PRP4K: variants seen among roughly 807,000 people sequenced by gnomAD.
PRP4K encodes the protein serine/threonine-protein kinase PRP4 homolog.
chr6:4,023,774 C>T, the PRP4K span, among the ~76,000 whole-genome samples: 1 of 152,146 alleles, frequency 6.6e-6, no homozygotes, highest in African/African-American at 2.4e-5. Context: ...AGTACAGTAA[C>T]ATTATCATGG....
At chr6:4,052,144 T>C in the PRP4K span, 1 of 1,504,250 alleles carries the variant, frequency 6.6e-7, no homozygotes, top group Non-Finnish European at 8.9e-7. Context: ...CTTCTTCATC[T>C]TTACGATCTC....
chr6:4,032,415 G>A, the PRP4K span: 1 of 1,614,020 alleles, frequency 6.2e-7, no homozygotes, highest in South Asian at 1.1e-5. Context: ...TGATTTAAGA[G>A]GTAAATCCAA....
chr6:4,049,427 A>G, the PRP4K span: 62 of 458,032 alleles, frequency 1.4e-4, no homozygotes, highest in African/African-American at 1.1e-3. Flanking sequence ...AACGACAAAC[A>G]GGAAACTTTG....
At chr6:4,044,251 C>T in the PRP4K span, 3 of 454,628 alleles carry the variant, frequency 6.6e-6, no homozygotes, top group South Asian at 7.4e-5. Context: ...CTCACATATT[C>T]GTTACCTTTT....
the PRP4K span, among the ~76,000 whole-genome samples, chr6:4,023,863 G>A: frequency 1.5e-5 from 2 of 133,260 alleles, no homozygotes; most frequent in Non-Finnish European, 3.1e-5. Context: ...ATGACACCAT[G>A]CCCAGCTAAT....
At chr6:4,039,041 G>A in the PRP4K span, among the ~76,000 whole-genome samples, 26 of 151,806 alleles carry the variant, frequency 1.7e-4, no homozygotes, top group African/African-American at 5.6e-4. Flanking sequence ...AGACAATAGC[G>A]AGGTTATTGT....
At chr6:4,035,699 G>A in the PRP4K span, among the ~76,000 whole-genome samples, 2 of 152,134 alleles carry the variant, frequency 1.3e-5, no homozygotes, top group Non-Finnish European at 2.9e-5. Flanking sequence ...AAGTTGCAGT[G>A]GCTCACGCCT....
At chr6:4,063,879 A>T in the PRP4K span, 1 of 152,112 alleles carries the variant, frequency 6.6e-6, no homozygotes, top group Non-Finnish European at 1.5e-5. Context: ...TTTTGCTTTT[A>T]TTATACTTTA....
the PRP4K span, among the ~76,000 whole-genome samples, chr6:4,030,901 G>A: frequency 1.3e-5 from 2 of 152,194 alleles, no homozygotes; most frequent in Non-Finnish European, 2.9e-5. Context: ...TTGTGAGGAT[G>A]TGTTTATACT....
At chr6:4,023,323 A>C in the PRP4K span, among the ~76,000 whole-genome samples, 1 of 152,224 alleles carries the variant, frequency 6.6e-6, no homozygotes, top group Non-Finnish European at 1.5e-5. Flanking sequence ...AATTCTTTTA[A>C]CAACCCTATG....
chr6:4,063,618 A>G, the PRP4K span: 1 of 152,080 alleles, frequency 6.6e-6, no homozygotes, highest in Non-Finnish European at 1.5e-5. Context: ...TTTTTAAGGG[A>G]AATGAAAAAG....
the PRP4K span, chr6:4,037,498 T>C: frequency 6.2e-7 from 1 of 1,613,760 alleles, no homozygotes; most frequent in Non-Finnish European, 8.5e-7. Context: ...AGATCTCCCA[T>C]TAGAAGGAGG....
the PRP4K span, among the ~76,000 whole-genome samples, chr6:4,042,282 A>T: frequency 6.6e-6 from 1 of 152,214 alleles, no homozygotes; most frequent in Non-Finnish European, 1.5e-5. Flanking sequence ...CATGAAATAG[A>T]TGAGAAGAAA....
At chr6:4,030,329 A>C in the PRP4K span, among the ~76,000 whole-genome samples, 1 of 152,216 alleles carries the variant, frequency 6.6e-6, no homozygotes, top group African/African-American at 2.4e-5. Flanking sequence ...GTGAGTAGAC[A>C]GATGAATTCT....
the PRP4K span, chr6:4,044,272 C>T: frequency 2.5e-6 from 1 of 407,916 alleles, no homozygotes; most frequent in African/African-American, 2.0e-5. Context: ...GTTTTGCTTG[C>T]TATTTTAAAG....
the PRP4K span, chr6:4,037,563 C>T: frequency 3.1e-6 from 5 of 1,612,960 alleles, no homozygotes; most frequent in African/African-American, 1.3e-5. Context: ...CAGATCTCCT[C>T]GGAGAAGGTA....
the PRP4K span, chr6:4,057,157 A>G: frequency 6.2e-7 from 1 of 1,612,628 alleles, no homozygotes; most frequent in Non-Finnish European, 8.5e-7. Flanking sequence ...TGAAGCTTGC[A>G]ATGGATCTCA....
chr6:4,038,493 A>T, the PRP4K span, among the ~76,000 whole-genome samples: 2 of 151,158 alleles, frequency 1.3e-5, no homozygotes, highest in Non-Finnish European at 2.9e-5. Context: ...GAGTTTCACT[A>T]TGTTGGTCAG....
the PRP4K span, among the ~76,000 whole-genome samples, chr6:4,038,790 A>G: frequency 1.3e-5 from 2 of 151,922 alleles, no homozygotes; most frequent in African/African-American, 4.8e-5. Context: ...CCCTTTTTAT[A>G]AAAAATGTCT....
Sources: gnomAD v4.1 joint callset for allele counts (sites outside exome capture counted in the v4.1 genomes callset) on GRCh38, gnomAD v4.1.1 for gene constraint, MANE v1.5 for transcripts, NCBI Gene and HGNC (gene_info 2026-07-23, HGNC 2026-07-21) for gene names.